Variants in MARCHF1 observed in about 807,000 individuals in gnomAD.
The protein encoded by MARCHF1 is E3 ubiquitin-protein ligase MARCHF1.
MARCHF1 carries 40 observed loss-of-function variants against 54.2 expected under a neutral mutation model. The ratio of observed to expected loss-of-function variants is 0.74; its 90% confidence interval spans 0.57 to 0.96. MARCHF1 has a LOEUF of 0.96. MARCHF1 is among the 40% of genes least tolerant of loss of function. MARCHF1 has a pLI of 0.00. For missense variants in MARCHF1, 586 were observed against 656.5 expected, an observed-to-expected ratio of 0.89 and a Z score of 1.17; for synonymous variants, 236 against 236.3, an observed-to-expected ratio of 1.00 and a Z score of 0.01.
intron 1 of MARCHF1, among the ~76,000 whole-genome samples, chr4:164,213,015 T>A (rs1731820834): frequency 6.6e-6 from 1 of 152,024 alleles, no homozygotes; most frequent in South Asian, 2.1e-4. Context: ...AGGGCAAAAA[T>A]GTAACTAAAG....
chr4:164,130,824 T>C (rs1474362637), intron 1 of MARCHF1, among the ~76,000 whole-genome samples: 1 of 152,188 alleles, frequency 6.6e-6, no homozygotes, highest in Non-Finnish European at 1.5e-5. Flanking sequence ...AATACATTGA[T>C]TGATGTCGTT....
At chr4:164,186,481 G>A (rs1432735524) in intron 1 of MARCHF1, among the ~76,000 whole-genome samples, 4 of 152,146 alleles carry the variant, frequency 2.6e-5, no homozygotes, top group Non-Finnish European at 5.9e-5. Context: ...TGCACTCTAT[G>A]AGCCAGTGCA....
chr4:164,285,271 C>G (rs1424403053), intron 1 of MARCHF1, among the ~76,000 whole-genome samples: 2 of 152,026 alleles, frequency 1.3e-5, no homozygotes, highest in African/African-American at 4.8e-5. Context: ...GGTACCATGT[C>G]TGTGGCCCCA....
chr4:163,680,993 A>T (rs1182045618), intron 5 of MARCHF1, among the ~76,000 whole-genome samples: 1 of 149,840 alleles, frequency 6.7e-6, no homozygotes, highest in Non-Finnish European at 1.5e-5. Flanking sequence ...TATGTAATAC[A>T]TTATGTAATA....
intron 8 of MARCHF1, among the ~76,000 whole-genome samples, chr4:163,569,630 T>C (rs992975257): frequency 2.6e-5 from 4 of 152,096 alleles, no homozygotes; most frequent in African/African-American, 9.7e-5. Context: ...AGGAATAGCT[T>C]ATCCAACGTT....
intron 2 of MARCHF1, among the ~76,000 whole-genome samples, chr4:164,009,221 C>G (rs1458706092): frequency 1.3e-5 from 2 of 151,944 alleles, no homozygotes; most frequent in African/African-American, 4.8e-5. Flanking sequence ...AATTCCTGTA[C>G]ACATACAACT....
chr4:163,838,874 A>G (rs1177162957), intron 4 of MARCHF1, among the ~76,000 whole-genome samples: 2 of 152,074 alleles, frequency 1.3e-5, no homozygotes, highest in Non-Finnish European at 2.9e-5. Flanking sequence ...CACTAACAGC[A>G]CCGGTGATAA....
At chr4:163,820,503 T>A (rs866229476) in intron 4 of MARCHF1, among the ~76,000 whole-genome samples, 1 of 152,098 alleles carries the variant, frequency 6.6e-6, no homozygotes, top group Non-Finnish European at 1.5e-5. Flanking sequence ...CTCATACGTA[T>A]CTTCAACCCA....
chr4:164,113,266 C>T (rs1189096088), intron 1 of MARCHF1, among the ~76,000 whole-genome samples: 1 of 151,948 alleles, frequency 6.6e-6, no homozygotes, highest in East Asian at 1.9e-4. Context: ...AAACTCCAAA[C>T]ATATGTTGTT....
At chr4:163,643,519 T>C (rs1742640121) in intron 5 of MARCHF1, among the ~76,000 whole-genome samples, 1 of 152,070 alleles carries the variant, frequency 6.6e-6, no homozygotes, top group Non-Finnish European at 1.5e-5. Context: ...TCCAGCTCCC[T>C]ACATTTTAAT....
At chr4:164,181,465 A>C (rs1730832088) in intron 1 of MARCHF1, among the ~76,000 whole-genome samples, 1 of 152,202 alleles carries the variant, frequency 6.6e-6, no homozygotes, top group Non-Finnish European at 1.5e-5. Context: ...AACTACAACT[A>C]ATTTCACGCT....
intron 1 of MARCHF1, among the ~76,000 whole-genome samples, chr4:164,341,580 A>C (rs1028151561): frequency 3.3e-5 from 5 of 152,216 alleles, no homozygotes; most frequent in African/African-American, 1.2e-4. Flanking sequence ...AGATCAAGGC[A>C]GATTTTTGTC....
At position 164,347,573 on chromosome 4, in the gene MARCHF1, G is replaced by A. The variant is rs376099109; in HGVS notation, c.-323+36297C>T. 5.9e-5 allele frequency among the ~76,000 whole-genome samples: 9 copies of A among 152,098 alleles called. No homozygotes were observed. In the East Asian group the frequency reaches 1.2e-3, roughly 20 times the overall value. On this transcript the variant is annotated intron_variant, in intron 1 of 9. Transcript: ENST00000514618. ...GGCAACTTGTTCCGTTTTCCAAAGT[G>A]GGCTAATTATTTAGTTCTAAGATAT... is the stretch of plus-strand genomic sequence containing the variant.
At chr4:164,119,138 C>A (rs908977223) in intron 1 of MARCHF1, among the ~76,000 whole-genome samples, 1 of 151,178 alleles carries the variant, frequency 6.6e-6, no homozygotes, top group Non-Finnish European at 1.5e-5. Flanking sequence ...TAGTAAATAT[C>A]CTAAAGTATG....
intron 3 of MARCHF1, among the ~76,000 whole-genome samples, chr4:163,948,619 T>A (rs1752068932): frequency 6.6e-6 from 1 of 152,184 alleles, no homozygotes; most frequent in Admixed American, 6.5e-5. Flanking sequence ...GGCTTATAAT[T>A]ATGAGCAGGA....
chr4:163,532,182 A>G (rs1297264175), intron 9 of MARCHF1, among the ~76,000 whole-genome samples: 5 of 152,020 alleles, frequency 3.3e-5, no homozygotes, highest in East Asian at 1.9e-4. Context: ...AACTGACACT[A>G]TCCTTGATTA....
At chr4:163,788,317 T>C (rs1747677539) in intron 4 of MARCHF1, among the ~76,000 whole-genome samples, 1 of 152,020 alleles carries the variant, frequency 6.6e-6, no homozygotes. Context: ...CTCACTCTAA[T>C]AGTAGCATTT....
chr4:164,232,459 GAAC>G (rs1301173288), intron 1 of MARCHF1, among the ~76,000 whole-genome samples: 1 of 152,026 alleles, frequency 6.6e-6, no homozygotes, highest in East Asian at 1.9e-4. Flanking sequence ...ATAAGACAGT[GAAC>G]ACTAATAGCA....
At chr4:164,352,138 A>C (rs1200787609) in intron 1 of MARCHF1, among the ~76,000 whole-genome samples, 28 of 128,786 alleles carry the variant, frequency 2.2e-4, no homozygotes, top group African/African-American at 5.6e-4. Context: ...CGTCTGATTG[A>C]TGTACCTGAA....
Sources: allele counts gnomAD v4.1 joint callset (sites outside exome capture counted in the v4.1 genomes callset), GRCh38; gene constraint gnomAD v4.1.1; transcripts MANE v1.5; gene names NCBI Gene and HGNC (gene_info 2026-07-23, HGNC 2026-07-21).